The following GPLD1 variants were observed in gnomAD, a reference collection of about 807,000 sequenced individuals.
GPLD1 encodes the protein phosphatidylinositol-glycan-specific phospholipase D.
GPLD1 carries 84 observed loss-of-function variants against 112.6 expected under a neutral mutation model. The ratio of observed to expected loss-of-function variants is 0.75; its 90% confidence interval spans 0.63 to 0.89. The LOEUF is 0.89. GPLD1 is among the 40% of genes least tolerant of loss of function. The pLI is 0.00. For missense variants in GPLD1, 1,044 were observed against 1,051.5 expected, an observed-to-expected ratio of 0.99 and a Z score of 0.10; for synonymous variants, 386 against 403.8, an observed-to-expected ratio of 0.96 and a Z score of 0.53.
In GPLD1 at chr6:24,446,946, A is replaced by G; in HGVS notation, c.1712T>C (p.Val571Ala). Residue 571 changes from valine to alanine, a missense_variant, in exon 18 of 25, where the codon GTG (valine) becomes GCG (alanine). Physicochemically the swap from Val to Ala is moderately conservative, Grantham distance 64. Transcript: ENST00000230036. ...KLNVEAANWT[V>A]RGEEDFSWFG... ...CCAGGAGAAGTCTTCCTCGCCTCTC[A>G]CCGTCCAGTTGGCTGCCTCCACGTT... is the stretch of plus-strand genomic sequence containing the variant. The G allele has an allele frequency of 6.2e-7, 1 of 1,613,674 alleles. No homozygotes were observed. Among genetic ancestry groups the G allele is most frequent in the Admixed American group, 1.7e-5 (1 of 59,958 alleles).
chr6:24,489,669 T>C (rs768833649), upstream of GPLD1: 12 of 1,231,792 alleles, frequency 9.7e-6, no homozygotes, highest in African/African-American at 1.2e-4. Flanking sequence ...CGTTTTCCAA[T>C]GAAGTCAACT....
chr6:24,470,767 T>A (rs1229923015), intron 7 of GPLD1, among the ~76,000 whole-genome samples: 3 of 151,910 alleles, frequency 2.0e-5, no homozygotes, highest in East Asian at 3.9e-4. Flanking sequence ...CCAGGCTAAT[T>A]TTTGTAGTTT....
chr6:24,483,739 T>C (rs1764278482), intron 2 of GPLD1, among the ~76,000 whole-genome samples: 1 of 151,908 alleles, frequency 6.6e-6, no homozygotes, highest in African/African-American at 2.4e-5. Flanking sequence ...CGGATTAGAA[T>C]TGGTGGTATT....
intron 7 of GPLD1, among the ~76,000 whole-genome samples, chr6:24,468,541 T>G (rs1244421087): frequency 2.0e-5 from 3 of 151,920 alleles, no homozygotes; most frequent in African/African-American, 7.2e-5. Context: ...AATGGACATT[T>G]TACTTATTTT....
Position 24,436,647 on chromosome 6 carries a change from C to T in GPLD1, c.2287G>A (p.Gly763Ser). Residue 763 changes from glycine to serine, a missense_variant, in exon 22 of 25, where the codon GGC becomes AGC. Transcript: ENST00000230036. ...ATGTCACCAAGGGTGGTCTCTTTGC[C>T]ATTATATACATATACTCGGCCGTCT... ...GEDGRVYVYN[G>S]KETTLGDMTG... is the part of the protein sequence containing the mutation. 2 of 1,613,996 alleles carry T rather than the reference C, an allele frequency of 1.2e-6. No homozygotes were observed. Among genetic ancestry groups the T allele is most frequent in the Middle Eastern group, 3.3e-4 (2 of 6,062 alleles).
At chr6:24,474,965 A>G (rs1320712736) in intron 5 of GPLD1, among the ~76,000 whole-genome samples, 156 bp downstream of exon 5, 1 of 149,768 alleles carries the variant, frequency 6.7e-6, no homozygotes, top group African/African-American at 2.5e-5. Context: ...AAAAAAAAGG[A>G]ACAAATTGGA....
Position 24,462,670 on chromosome 6 carries a change from T to G in GPLD1, c.887+60A>C, listed in dbSNP as rs112182525. 2.1e-5 allele frequency: 22 copies of G among 1,056,068 alleles called. No homozygotes were observed. The African/African-American group carries it at 3.4e-4, about 16-fold the overall frequency. 65.4% of individuals were successfully genotyped at this position (1,056,068 alleles called of 1,614,324 possible). On this transcript the variant is annotated intron_variant, in intron 11 of 24. Transcript: ENST00000230036. ...ACAGATCCCGTGTTCTCAACCTCTA[T>G]AGGGCATCTCCTCCAGGTGAGATGT...
In GPLD1 at chr6:24,436,783, G is replaced by A. The variant is rs1157862097; in HGVS notation, c.2198-47C>T. 1.9e-6 allele frequency: 3 copies of A among 1,584,102 alleles called. No individual in the cohort carries two copies. The East Asian group carries it at 6.7e-5, about 35-fold the overall frequency. Reference sequence around the variant, plus strand: ...AGAAGGAAGTATTTGACTCCTCACTGTCATCTTTTCCTTGTTCCGCTACTG... The same window carrying A: ...AGAAGGAAGTATTTGACTCCTCACTATCATCTTTTCCTTGTTCCGCTACTG... On this transcript the variant is annotated intron_variant, in intron 21 of 24. Transcript: ENST00000230036.
chr6:24,444,623 G>T (rs1203487311), intron 20 of GPLD1, among the ~76,000 whole-genome samples: 2 of 152,018 alleles, frequency 1.3e-5, no homozygotes, highest in Non-Finnish European at 2.9e-5. Context: ...GACCAAGGTG[G>T]GAGGATTACT....
In GPLD1 at chr6:24,476,190, G is replaced by C. The variant is rs765869587; in HGVS notation, c.321C>G (p.Pro107=). Residue 107 remains proline, a synonymous_variant, in exon 4 of 25, where the codon CCC becomes CCG. Coordinates refer to ENST00000230036, the MANE Select transcript of GPLD1 (RefSeq NM_001503.4). ...VHYIRENYPL[P]WEKDTEKLVA... ...GGAGGACCACGCCTACCTTCTCCCA[G>C]GGAAGGGGATAGTTCTCTCGGATAT... 2 of 1,541,948 alleles carry C rather than the reference G, an allele frequency of 1.3e-6. No homozygotes were observed. Among genetic ancestry groups the C allele is most frequent in the Non-Finnish European group, 8.9e-7 (1 of 1,128,460 alleles).
In GPLD1 at chr6:24,450,703, G is replaced by A. The variant is rs1318141111; in HGVS notation, c.1336-804C>T. ...TCAAAAATTCAGTTTCTACCCTGGC[G>A]CAGTGGCTTATGCCTGTAATCCCAG... On this transcript the variant is annotated intron_variant, in intron 14 of 24. Transcript: ENST00000230036. 2.6e-5 allele frequency among the ~76,000 whole-genome samples: 4 copies of A among 151,846 alleles called. No homozygotes were observed. The South Asian group carries it at 6.2e-4, about 24-fold the overall frequency.
At chr6:24,461,132 G>C (rs200768903) in intron 11 of GPLD1, among the ~76,000 whole-genome samples, 38 of 152,142 alleles carry the variant, frequency 2.5e-4, no homozygotes, top group African/African-American at 9.2e-4. Context: ...CAGCCAAAAA[G>C]CAGATGACTC....
At chr6:24,464,926 C>T (rs28561778) in intron 10 of GPLD1, among the ~76,000 whole-genome samples, 5,448 of 152,244 alleles carry the variant, frequency 0.036, 314 homozygotes, top group African/African-American at 0.12. Flanking sequence ...GGCATGGTGG[C>T]TCACGCCTGT....
At chr6:24,489,320 T>C (rs886178602) in intron 1 of GPLD1, 95 bp downstream of exon 1, 8 of 918,540 alleles carry the variant, frequency 8.7e-6, no homozygotes, top group African/African-American at 1.6e-5. Flanking sequence ...CAGGGGAAAC[T>C]GTATCAATCC....
chr6:24,489,659 C>T (rs1253279547), upstream of GPLD1: 44 of 1,362,930 alleles, frequency 3.2e-5, no homozygotes, highest in East Asian at 5.1e-5. Flanking sequence ...AAAATAATAT[C>T]GTTTTCCAAT....
intron 3 of GPLD1, among the ~76,000 whole-genome samples, chr6:24,476,776 G>C (rs1764033383): frequency 6.6e-6 from 1 of 152,134 alleles, no homozygotes; most frequent in Non-Finnish European, 1.5e-5. Flanking sequence ...GCCCCAGTGA[G>C]CATTTTATGC....
Position 24,429,028 on chromosome 6 carries a change from A to G in GPLD1, c.*4T>C. On this transcript the variant is annotated 3_prime_UTR_variant, in exon 25 of 25. Coordinates refer to ENST00000230036, the MANE Select transcript of GPLD1 (RefSeq NM_001503.4). The stretch of plus-strand genomic sequence containing the variant: ...GGGCAGAGTGGGGAAATGCAGTGAA[A>G]TCTTCAATCTGAGCCAAGGCTATAG... 6.2e-7 allele frequency: 1 copy of G among 1,600,114 alleles called. No homozygotes were observed. The highest frequency in any genetic ancestry group is 8.6e-7 in the Non-Finnish European group (1 of 1,168,396).
intron 7 of GPLD1, among the ~76,000 whole-genome samples, chr6:24,468,891 G>C (rs183779448): frequency 6.6e-6 from 1 of 152,160 alleles, no homozygotes; most frequent in African/African-American, 2.4e-5. Context: ...GTTGTCATCC[G>C]GACCTCCTGA....
intron 12 of GPLD1, among the ~76,000 whole-genome samples, chr6:24,459,188 C>T (rs1158258568): frequency 2.0e-5 from 3 of 152,162 alleles, no homozygotes; most frequent in Non-Finnish European, 4.4e-5. Flanking sequence ...ACTTGAATGT[C>T]CCCTCCTCCA....
Sources: allele counts gnomAD v4.1 joint callset (sites outside exome capture counted in the v4.1 genomes callset), GRCh38; gene constraint gnomAD v4.1.1; transcripts MANE v1.5; gene names NCBI Gene and HGNC (gene_info 2026-07-23, HGNC 2026-07-21).